The following NARS2 variants were observed in gnomAD, a reference collection of about 807,000 sequenced individuals.
NARS2 encodes the protein asparaginyl-tRNA synthetase 2, mitochondrial.
Under a neutral mutation model 62.9 loss-of-function variants are expected in NARS2, and 60 were observed. That is an observed-to-expected ratio of 0.95 (90% CI 0.77 to 1.18). NARS2 has a LOEUF of 1.18. Ranked by LOEUF, NARS2 falls within the 50% of genes most tolerant of loss-of-function variation. The probability of loss-of-function intolerance (pLI) is 0.00; values close to 1 mark genes in which losing one functional copy is unlikely to be tolerated. For synonymous variants in NARS2, 196 were observed against 200.0 expected (o/e 0.98, Z 0.17); for missense variants, 619 against 576.4 (o/e 1.07, Z -0.76).
intron 13 of NARS2, 48 bp downstream of exon 13, chr11:78,441,043 A>G (rs1857562604): frequency 6.4e-7 from 1 of 1,574,002 alleles, no homozygotes; most frequent in African/African-American, 1.4e-5. Context: ...TCTAGGCAAC[A>G]GTCAGACAAG....
intron 5 of NARS2, among the ~76,000 whole-genome samples, chr11:78,538,331 C>A (rs1190846433): frequency 6.6e-6 from 1 of 152,132 alleles, no homozygotes. Context: ...TCTGTATATA[C>A]ACCTCATTCA....
At position 78,479,242 on chromosome 11, in the gene NARS2, C is replaced by T. The variant is rs547049286; in HGVS notation, c.823-559G>A. Reference sequence around the variant, plus strand: ...TATACATTTTTGCTTTGCTAATGGCCAAAATAAAAATAACATAAAACAGCA... The same window carrying T: ...TATACATTTTTGCTTTGCTAATGGCTAAAATAAAAATAACATAAAACAGCA... On this transcript the variant is annotated intron_variant, in intron 7 of 13. Transcript: ENST00000281038. Among the ~76,000 whole-genome samples the T allele has an allele frequency of 5.3e-5, 8 of 151,606 alleles. No individual in the cohort carries two copies. The South Asian group carries it at 1.5e-3, about 28-fold the overall frequency.
intron 5 of NARS2, among the ~76,000 whole-genome samples, chr11:78,534,073 G>A (rs1271937650): frequency 6.6e-6 from 1 of 152,120 alleles, no homozygotes; most frequent in Non-Finnish European, 1.5e-5. Context: ...CATCTTGGTT[G>A]CTTCCAAGTT....
At chr11:78,540,451 G>A (rs2135459572) in intron 5 of NARS2, among the ~76,000 whole-genome samples, 1 of 148,156 alleles carries the variant, frequency 6.7e-6, no homozygotes, top group Non-Finnish European at 1.5e-5. Context: ...GCAGTAAGCT[G>A]AACAGTGGAA....
chr11:78,468,310 G>GAAAA (rs764254167), intron 10 of NARS2, among the ~76,000 whole-genome samples: 11 of 67,428 alleles, frequency 1.6e-4, no homozygotes, highest in African/African-American at 5.3e-4. Flanking sequence ...CACTAAATCT[G>GAAAA]AAAAAAAAAA....
intron 5 of NARS2, chr11:78,546,759 G>A (rs1203871416): frequency 6.6e-6 from 1 of 152,100 alleles, no homozygotes; most frequent in African/African-American, 2.4e-5. Flanking sequence ...GGATAATTTT[G>A]GAAGTAGAAA....
At chr11:78,562,995 A>C (rs907761841) in intron 4 of NARS2, among the ~76,000 whole-genome samples, 2 of 152,076 alleles carry the variant, frequency 1.3e-5, no homozygotes, top group African/African-American at 4.8e-5. Flanking sequence ...ACTATTACTT[A>C]ATATGCCTTA....
chr11:78,471,484 A>C (rs1055596127), intron 9 of NARS2, among the ~76,000 whole-genome samples: 1 of 152,218 alleles, frequency 6.6e-6, no homozygotes, highest in Non-Finnish European at 1.5e-5. Flanking sequence ...TTAAAAATTA[A>C]GTATTTGCAC....
intron 7 of NARS2, among the ~76,000 whole-genome samples, chr11:78,488,245 A>AC (rs1484504597): frequency 6.6e-6 from 1 of 152,000 alleles, no homozygotes; most frequent in African/African-American, 2.4e-5. Flanking sequence ...AAAAAAAAAA[A>AC]AAAAAAAACT....
chr11:78,436,943 T>G, intron 13 of NARS2, 129 bp from the exon 14 acceptor site: 2 of 860,660 alleles, frequency 2.3e-6, no homozygotes, highest in Non-Finnish European at 3.6e-6. Flanking sequence ...TAGACCAGTC[T>G]TTCCCCTCCA....
At chr11:78,468,329 G>GA (rs1330685376) in intron 10 of NARS2, among the ~76,000 whole-genome samples, 1 of 90,830 alleles carries the variant, frequency 1.1e-5, no homozygotes, top group African/African-American at 4.3e-5. Flanking sequence ...AAAAAAAAAA[G>GA]AAAAAAAAGA....
At chr11:78,507,844 C>G (rs910254675) in intron 6 of NARS2, among the ~76,000 whole-genome samples, 1 of 146,472 alleles carries the variant, frequency 6.8e-6, no homozygotes, top group African/African-American at 2.5e-5. Context: ...AAAAAAATCA[C>G]AAGGCATATA....
chr11:78,506,772 C>T (rs1860515303), intron 6 of NARS2, among the ~76,000 whole-genome samples: 1 of 152,212 alleles, frequency 6.6e-6, no homozygotes, highest in South Asian at 2.1e-4. Flanking sequence ...CTGACAGCCT[C>T]AGGCGATCCA....
chr11:78,513,877 A>G (rs1039249857), intron 6 of NARS2, among the ~76,000 whole-genome samples: 1 of 152,000 alleles, frequency 6.6e-6, no homozygotes, highest in Non-Finnish European at 1.5e-5. Flanking sequence ...TGGATCCCTC[A>G]TGGTTTGATG....
chr11:78,570,428 C>T (rs1484635074), intron 2 of NARS2, among the ~76,000 whole-genome samples: 2 of 152,176 alleles, frequency 1.3e-5, no homozygotes, highest in African/African-American at 4.8e-5. Flanking sequence ...GGCTCTATCA[C>T]ACAGGCTGGA....
chr11:78,543,445 A>T (rs1451012291), intron 5 of NARS2, among the ~76,000 whole-genome samples: 1 of 152,230 alleles, frequency 6.6e-6, no homozygotes, highest in Non-Finnish European at 1.5e-5. Flanking sequence ...TATGAAGCTG[A>T]CATTTTCTTT....
intron 5 of NARS2, among the ~76,000 whole-genome samples, chr11:78,553,000 T>C (rs1856184558): frequency 1.3e-5 from 2 of 152,264 alleles, no homozygotes; most frequent in African/African-American, 2.4e-5. Context: ...GGTCAAATGG[T>C]AGTTCTGCTT....
At chr11:78,451,425 A>G (rs917366230) in intron 11 of NARS2, among the ~76,000 whole-genome samples, 1 of 152,264 alleles carries the variant, frequency 6.6e-6, no homozygotes, top group Non-Finnish European at 1.5e-5. Context: ...ACAGGCAATT[A>G]CACAAATTTC....
At chr11:78,495,276 T>C (rs1860010771) in intron 6 of NARS2, among the ~76,000 whole-genome samples, 1 of 152,144 alleles carries the variant, frequency 6.6e-6, no homozygotes, top group Admixed American at 6.5e-5. Context: ...GTCCCATGCA[T>C]GTCCTTTAGT....
Sources: gnomAD v4.1 joint callset for allele counts (sites outside exome capture counted in the v4.1 genomes callset) on GRCh38, gnomAD v4.1.1 for gene constraint, MANE v1.5 for transcripts, NCBI Gene and HGNC (gene_info 2026-07-23, HGNC 2026-07-21) for gene names.